Variants in ST18 observed in about 807,000 individuals in gnomAD.
ST18 encodes the protein ST18 C2H2C-type zinc finger transcription factor.
A neutral mutation model predicts 110.0 loss-of-function variants in ST18; 50 were observed. The ratio of observed to expected loss-of-function variants is 0.45; its 90% CI spans 0.36 to 0.58. The LOEUF (loss-of-function observed/expected upper bound fraction) is 0.58. ST18 is among the 20% of genes least tolerant of loss of function. The pLI is 0.00. For missense variants in ST18, 1,306 were observed against 1,280.1 expected (o/e 1.02, Z -0.31); for synonymous variants, 461 against 452.4 (o/e 1.02, Z -0.24).
At chr8:52,120,642 C>T (rs2044351433) in intron 23 of ST18, among the ~76,000 whole-genome samples, 1 of 152,156 alleles carries the variant, frequency 6.6e-6, no homozygotes. Context: ...GCCATGGGGA[C>T]ATCCTGGGAG....
intron 13 of ST18, among the ~76,000 whole-genome samples, chr8:52,162,367 A>AT (rs1168201599): frequency 6.6e-6 from 1 of 152,216 alleles, no homozygotes; most frequent in Non-Finnish European, 1.5e-5. Context: ...TTCAGAAGTG[A>AT]TGCTAGGCTC....
intron 2 of ST18, among the ~76,000 whole-genome samples, chr8:52,248,199 A>C (rs2094008065): frequency 6.6e-6 from 1 of 152,162 alleles, no homozygotes; most frequent in African/African-American, 2.4e-5. Context: ...ATATCCTTAC[A>C]TAAATAAATA....
chr8:52,262,151 A>C (rs986065194), intron 2 of ST18, among the ~76,000 whole-genome samples: 3 of 152,200 alleles, frequency 2.0e-5, no homozygotes, highest in African/African-American at 7.2e-5. Flanking sequence ...CCTTGCTTTT[A>C]AAACAAAGCC....
At chr8:52,167,542 G>A (rs367760524) in intron 10 of ST18, among the ~76,000 whole-genome samples, 1 of 152,236 alleles carries the variant, frequency 6.6e-6, no homozygotes, top group African/African-American at 2.4e-5. Context: ...CTTGTGTCCT[G>A]TCTGTCCAGT....
chr8:52,364,936 C>G (rs1332292825), intron 2 of ST18, among the ~76,000 whole-genome samples: 1 of 152,060 alleles, frequency 6.6e-6, no homozygotes, highest in South Asian at 2.1e-4. Context: ...AGGGCAAAAT[C>G]CCCGTCTCTA....
At chr8:52,184,454 T>C (rs1440816000) in intron 8 of ST18, among the ~76,000 whole-genome samples, 1 of 152,232 alleles carries the variant, frequency 6.6e-6, no homozygotes, top group African/African-American at 2.4e-5. Context: ...ATATACCTTT[T>C]ACTTAGAAAC....
chr8:52,281,941 C>G (rs532927407), intron 2 of ST18, among the ~76,000 whole-genome samples: 1 of 152,108 alleles, frequency 6.6e-6, no homozygotes, highest in East Asian at 1.9e-4. Context: ...TTGGGTACAA[C>G]GTACACTGCT....
intron 2 of ST18, among the ~76,000 whole-genome samples, chr8:52,277,340 C>T (rs1277417969): frequency 1.3e-5 from 2 of 152,200 alleles, no homozygotes; most frequent in Admixed American, 6.5e-5. Context: ...CACCTCTAGT[C>T]CTCTCCTGCT....
At chr8:52,170,139 ATGAT>A (rs1172780622) in intron 10 of ST18, among the ~76,000 whole-genome samples, 2 of 152,240 alleles carry the variant, frequency 1.3e-5, no homozygotes, top group African/African-American at 2.4e-5. Flanking sequence ...AAAGAAAAAA[ATGAT>A]TGGTAATTAA....
chr8:52,195,363 C>T (rs1248166377), intron 8 of ST18, among the ~76,000 whole-genome samples: 2 of 151,976 alleles, frequency 1.3e-5, no homozygotes, highest in Non-Finnish European at 2.9e-5. Flanking sequence ...TTGAGTAATA[C>T]TTCAAAATAC....
chr8:52,192,890 GATA>G (rs2075023391), intron 8 of ST18, among the ~76,000 whole-genome samples: 1 of 152,198 alleles, frequency 6.6e-6, no homozygotes, highest in African/African-American at 2.4e-5. Context: ...GTTGCTGAGA[GATA>G]ACAGGCAAGG....
intron 2 of ST18, among the ~76,000 whole-genome samples, chr8:52,249,818 C>A (rs1291397889): frequency 6.6e-6 from 1 of 151,946 alleles, no homozygotes; most frequent in Admixed American, 6.6e-5. Context: ...GCACTGGTGA[C>A]CTTAATTTTA....
intron 9 of ST18, among the ~76,000 whole-genome samples, chr8:52,179,688 C>CAT (rs2068566311): frequency 6.6e-6 from 1 of 151,928 alleles, no homozygotes; most frequent in Non-Finnish European, 1.5e-5. Flanking sequence ...GTAATATATA[C>CAT]ATATATATAT....
chr8:52,120,173 C>A (rs1169887859), intron 23 of ST18, among the ~76,000 whole-genome samples: 1 of 152,140 alleles, frequency 6.6e-6, no homozygotes, highest in African/African-American at 2.4e-5. Flanking sequence ...TCTCAGACAA[C>A]TGATGGGTAA....
chr8:52,307,949 G>T lies in ST18; in HGVS notation c.-464-77872C>A, dbSNP rs1167142722. On this transcript the variant is annotated intron_variant, in intron 2 of 25. Coordinates refer to ENST00000689386, the MANE Select transcript of ST18 (RefSeq NM_001352837.2). ...AATGAAGTGAAGAGAGAAGCAAATA[G>T]ACACTTGGGTAGCATGAATGTCTTC... 2.0e-5 allele frequency among the ~76,000 whole-genome samples: 3 copies of T among 152,320 alleles called. No individual in the cohort carries two copies. In the East Asian group the frequency reaches 5.8e-4, roughly 29 times the overall value.
At chr8:52,268,491 CTATCTATCTATCTATCTATT>C (rs1229125855) in intron 2 of ST18, among the ~76,000 whole-genome samples, 68 of 148,074 alleles carry the variant, frequency 4.6e-4, no homozygotes, top group African/African-American at 1.5e-3. Context: ...ATCTATCTAT[CTATCTATCTATCTATCTATT>C]TATCTATCTA....
rs76894299 is a variant in ST18, at chr8:52,183,052, C to T, written c.87-2740G>A. 1.8e-4 allele frequency among the ~76,000 whole-genome samples: 28 copies of T among 152,250 alleles called. No individual in the cohort carries two copies. The East Asian group carries it at 5.4e-3, about 29-fold the overall frequency. ...ATCACATTAACTGCTAGTAGTGGGG[C>T]CAATATTTGAATCCAAGTCTATAGG... On this transcript the variant is annotated intron_variant, in intron 8 of 25. Transcript: ENST00000689386.
At chr8:52,357,712 TATATATA>T (rs1823641864) in intron 2 of ST18, among the ~76,000 whole-genome samples, 2 of 69,494 alleles carry the variant, frequency 2.9e-5, no homozygotes, top group African/African-American at 1.9e-4. Flanking sequence ...TATATATATA[TATATATA>T]TATATATATA....
At chr8:52,243,534 G>A (rs2093610106) in intron 2 of ST18, among the ~76,000 whole-genome samples, 1 of 152,052 alleles carries the variant, frequency 6.6e-6, no homozygotes. Context: ...AGTCAGATTT[G>A]GGCTCAATCT....
Sources: allele counts gnomAD v4.1 joint callset (sites outside exome capture counted in the v4.1 genomes callset), GRCh38; gene constraint gnomAD v4.1.1; transcripts MANE v1.5; gene names NCBI Gene and HGNC (gene_info 2026-07-23, HGNC 2026-07-21).